OLA1: variants seen among roughly 807,000 people sequenced by gnomAD.
OLA1 encodes obg-like ATPase 1.
In OLA1, 14 loss-of-function variants were observed where a neutral mutation model predicts 48.4. The ratio of observed to expected loss-of-function variants is 0.29; its 90% confidence interval spans 0.19 to 0.45. OLA1 has a LOEUF of 0.45. OLA1 is among the 20% of genes least tolerant of loss of function. The pLI is 1.00. For missense variants in OLA1, 325 were observed against 467.1 expected, an observed-to-expected ratio of 0.70 and a Z score of 2.80; for synonymous variants, 127 against 150.4, an observed-to-expected ratio of 0.84 and a Z score of 1.14.
chr2:174,246,923 C>T (rs755302501), intron 1 of OLA1, 108 bp from the exon 2 acceptor site: 52 of 675,352 alleles, frequency 7.7e-5, no homozygotes, highest in Non-Finnish European at 1.2e-4. Flanking sequence ...AAGAACAAAA[C>T]ATACTGTATA....
chr2:174,199,381 G>A (rs1687943608), intron 4 of OLA1, among the ~76,000 whole-genome samples: 1 of 152,060 alleles, frequency 6.6e-6, no homozygotes, highest in Non-Finnish European at 1.5e-5. Context: ...ACTAGCAGGG[G>A]GCAGCTGCTC....
chr2:174,247,134 G>A (rs1689142407), intron 1 of OLA1: 2 of 180,702 alleles, frequency 1.1e-5, no homozygotes, highest in Non-Finnish European at 2.3e-5. Flanking sequence ...GGCCGAGGTG[G>A]GCAGACTGCT....
intron 4 of OLA1, among the ~76,000 whole-genome samples, chr2:174,187,384 T>A (rs1687679146): frequency 1.3e-5 from 2 of 152,224 alleles, no homozygotes; most frequent in East Asian, 3.8e-4. Context: ...TGCTAGGATG[T>A]GCTAATACAG....
At chr2:174,156,110 C>T (rs1421789173) in intron 4 of OLA1, among the ~76,000 whole-genome samples, 1 of 152,086 alleles carries the variant, frequency 6.6e-6, no homozygotes, top group Admixed American at 6.6e-5. Context: ...ACAGAGCAGG[C>T]CCTCAATGTA....
chr2:174,245,246 C>G (rs996703521), intron 2 of OLA1, among the ~76,000 whole-genome samples: 1 of 152,224 alleles, frequency 6.6e-6, no homozygotes, highest in African/African-American at 2.4e-5. Context: ...CAACTCTCTA[C>G]TTAGTCTTAC....
chr2:174,136,101 G>T (rs779592296), intron 5 of OLA1, among the ~76,000 whole-genome samples: 3 of 152,200 alleles, frequency 2.0e-5, no homozygotes, highest in East Asian at 3.8e-4. Flanking sequence ...GTGGAGGGTC[G>T]TGCCTTAATG....
chr2:174,133,209 C>A (rs1686222568), intron 5 of OLA1, among the ~76,000 whole-genome samples: 1 of 152,152 alleles, frequency 6.6e-6, no homozygotes, highest in Admixed American at 6.5e-5. Context: ...CTTCAACTTA[C>A]AATGGTTCGT....
Position 174,141,867 on chromosome 2 carries a change from C to T in OLA1, c.507G>A (p.Lys169=). ...MIGPIIDKLE[K]VAVRGGDKKL... ...TTTTATCTCCTCCTCTCACAGCCAC[C>T]TTTTCTAGTTTATCTATAATGGGCC... The change falls in exon 5 of 11, where the codon AAG becomes AAA. Residue 169 remains lysine (K), a synonymous_variant. Coordinates refer to ENST00000284719, the MANE Select transcript of OLA1 (RefSeq NM_013341.5). 6.2e-7 allele frequency: 1 copy of T among 1,610,202 alleles called. No homozygotes were observed. Among genetic ancestry groups the T allele is most frequent in the Non-Finnish European group, 8.5e-7 (1 of 1,179,436 alleles).
chr2:174,122,589 A>T (rs1685937814), intron 7 of OLA1, among the ~76,000 whole-genome samples: 1 of 152,208 alleles, frequency 6.6e-6, no homozygotes, highest in African/African-American at 2.4e-5. Context: ...ATGAACATAT[A>T]ATTTTCTGAA....
At chr2:174,108,900 C>T (rs1324445347) in intron 7 of OLA1, among the ~76,000 whole-genome samples, 1 of 152,154 alleles carries the variant, frequency 6.6e-6, no homozygotes, top group Non-Finnish European at 1.5e-5. Flanking sequence ...TGCTTTCAGG[C>T]TGTTTGTGTT....
chr2:174,118,735 G>A (rs4365429), intron 7 of OLA1, among the ~76,000 whole-genome samples: 18,137 of 152,092 alleles, frequency 0.12, 1,377 homozygotes, highest in East Asian at 0.21. Context: ...TCAGCAGATG[G>A]TGCTAATGAA....
At chr2:174,077,449 G>C (rs1183480519) in intron 10 of OLA1, among the ~76,000 whole-genome samples, 3 of 152,058 alleles carry the variant, frequency 2.0e-5, no homozygotes, top group Admixed American at 6.6e-5. Flanking sequence ...AAGGAGCAGA[G>C]AGCAATTCCT....
At chr2:174,164,691 A>G (rs1323439675) in intron 4 of OLA1, among the ~76,000 whole-genome samples, 2 of 152,158 alleles carry the variant, frequency 1.3e-5, no homozygotes, top group African/African-American at 4.8e-5. Flanking sequence ...AACAATTTCA[A>G]GTTTATCACT....
chr2:174,219,423 C>CTTTTTTTTTTTTTTTTTTTTT (rs372577919), intron 4 of OLA1, among the ~76,000 whole-genome samples: 1 of 94,896 alleles, frequency 1.1e-5, no homozygotes. Context: ...TTTTATTTCC[C>CTTTTTTTTTTTTTTTTTTTTT]TTTTTTTTTT....
intron 4 of OLA1, among the ~76,000 whole-genome samples, chr2:174,179,367 G>A (rs1192045655): frequency 6.6e-6 from 1 of 151,796 alleles, no homozygotes; most frequent in African/African-American, 2.4e-5. Context: ...ACTGACTGCA[G>A]TTTATTAAAT....
At chr2:174,203,014 G>T (rs1688024648) in intron 4 of OLA1, among the ~76,000 whole-genome samples, 1 of 151,954 alleles carries the variant, frequency 6.6e-6, no homozygotes, top group Non-Finnish European at 1.5e-5. Flanking sequence ...CATTTTCACA[G>T]AAACCATCTG....
At chr2:174,108,956 A>G (rs1685577331) in intron 7 of OLA1, among the ~76,000 whole-genome samples, 1 of 152,140 alleles carries the variant, frequency 6.6e-6, no homozygotes, top group African/African-American at 2.4e-5. Flanking sequence ...AGAATGGGAC[A>G]CTTGCTGTGC....
intron 7 of OLA1, among the ~76,000 whole-genome samples, chr2:174,095,079 G>T (rs189363478): frequency 6.6e-6 from 1 of 151,922 alleles, no homozygotes; most frequent in Non-Finnish European, 1.5e-5. Context: ...TGCTTCTATC[G>T]CTAGCTGTTG....
intron 4 of OLA1, among the ~76,000 whole-genome samples, chr2:174,185,075 C>T (rs916060745): frequency 6.6e-6 from 1 of 152,150 alleles, no homozygotes; most frequent in Admixed American, 6.5e-5. Context: ...AGCAGATCCC[C>T]GTTCCTTGTA....
Sources: allele counts gnomAD v4.1 joint callset (sites outside exome capture counted in the v4.1 genomes callset), GRCh38; gene constraint gnomAD v4.1.1; transcripts MANE v1.5; gene names NCBI Gene and HGNC (gene_info 2026-07-23, HGNC 2026-07-21).